Variants in KBTBD4 observed in about 807,000 individuals in gnomAD.
KBTBD4 encodes the protein kelch repeat and BTB domain-containing protein 4.
In KBTBD4, 30 loss-of-function variants were observed where a neutral mutation model predicts 43.9. The observed-to-expected ratio is 0.68, with a 90% CI of 0.51 to 0.93. KBTBD4 has a LOEUF of 0.93. Among genes scored for constraint, KBTBD4 ranks in the 40% least tolerant of loss-of-function variants. KBTBD4 has a pLI of 0.00. For synonymous variants in KBTBD4, 258 were observed against 256.9 expected, an observed-to-expected ratio of 1.00 and a Z score of -0.04; for missense variants, 575 against 668.8, an observed-to-expected ratio of 0.86 and a Z score of 1.55.
chr11:47,573,152 A>T lies in KBTBD4; in HGVS notation c.1383T>A (p.Asn461Lys), dbSNP rs1344744927. ...GCCGGGTGAAGCTGTCTAGCAAGGG[A>T]TTGTAGCACACCAGGGAGTCCCCTT... ...VAEGDSLVCY[N>K]PLLDSFTRLC... is the part of the protein sequence containing the mutation. The change falls in exon 4 of 4, where the codon AAT becomes AAA. Residue 461 changes from asparagine (N) to lysine (K), a missense_variant. Asn to Lys is a moderately conservative substitution (Grantham distance 94). Coordinates refer to ENST00000430070, the MANE Select transcript of KBTBD4 (RefSeq NM_018095.6). This position sits in a 1 kb window ranked among gnomAD's most constrained non-coding sequence, Gnocchi z 4.1. The T allele has an allele frequency of 6.2e-7, 1 of 1,614,164 alleles. No individual in the cohort carries two copies. The highest frequency in any genetic ancestry group is 8.5e-7 in the Non-Finnish European group (1 of 1,180,024).
intron 2 of KBTBD4, among the ~76,000 whole-genome samples, chr11:47,576,755 C>A (rs1213900924): frequency 6.6e-6 from 1 of 150,780 alleles, no homozygotes; most frequent in Non-Finnish European, 1.5e-5. Flanking sequence ...TGGCTCACTG[C>A]AACCTCTGCC....
chr11:47,578,367 G>A (rs1598800306), intron 1 of KBTBD4: 5 of 562,124 alleles, frequency 8.9e-6, no homozygotes, highest in Middle Eastern at 3.8e-4. Flanking sequence ...GCCTGTGATC[G>A]TAAAAGCCTT....
At chr11:47,574,700 A>C (rs552544472) in intron 3 of KBTBD4, among the ~76,000 whole-genome samples, 1 of 151,494 alleles carries the variant, frequency 6.6e-6, no homozygotes, top group East Asian at 2.0e-4. Flanking sequence ...CTAAAAATAC[A>C]ACAATTATCT....
Position 47,572,909 on chromosome 11 carries a change from TCTC to T in KBTBD4, c.*18_*20del, listed in dbSNP as rs757729488. 1.8e-5 allele frequency: 29 copies of T among 1,597,880 alleles called. No homozygotes were observed. The highest frequency in any genetic ancestry group is 1.7e-4 in the Middle Eastern group (1 of 5,902). On this transcript the variant is annotated 3_prime_UTR_variant, in exon 4 of 4. Transcript: ENST00000430070. The stretch of plus-strand genomic sequence containing the variant: ...TGGGGAGGGAAAAGGAGTGAGCAGT[TCTC>T]CTCCCCTCCCCACAGCCTTAGGCCA...
chr11:47,578,455 G>A, intron 1 of KBTBD4: 2 of 576,732 alleles, frequency 3.5e-6, no homozygotes, highest in Non-Finnish European at 3.0e-6. Flanking sequence ...CCTGGCCCCG[G>A]CCTAGTGGCC....
intron 2 of KBTBD4, among the ~76,000 whole-genome samples, chr11:47,577,034 C>A (rs1331688450): frequency 6.6e-6 from 1 of 152,128 alleles, no homozygotes; most frequent in Non-Finnish European, 1.5e-5. Flanking sequence ...TGTTTCCTAA[C>A]GTTGGCCCAT....
Position 47,573,013 on chromosome 11 carries a change from T to G in KBTBD4, c.1522A>C (p.Lys508Gln). The G allele has an allele frequency of 6.2e-7, 1 of 1,614,124 alleles. No individual in the cohort carries two copies. Among genetic ancestry groups the G allele is most frequent in the Non-Finnish European group, 8.5e-7 (1 of 1,180,016 alleles). ...ACGGCTGAAGTGGCAGGGTCAAGCT[T>G]GTAGGTGTTGGCATCCCCCTTTTTA... ...RYKKGDANTY[K>Q]LDPATSAVTV... The change falls in exon 4 of 4, where the codon AAG (lysine) becomes CAG (glutamine). Residue 508 changes from lysine (K) to glutamine (Q), a missense_variant. Coordinates refer to ENST00000430070, the MANE Select transcript of KBTBD4 (RefSeq NM_018095.6). This position sits in a 1 kb window ranked among gnomAD's most constrained non-coding sequence, Gnocchi z 4.1.
chr11:47,574,279 C>T (rs1488860465), intron 3 of KBTBD4, among the ~76,000 whole-genome samples: 1 of 152,134 alleles, frequency 6.6e-6, no homozygotes, highest in Non-Finnish European at 1.5e-5. Flanking sequence ...GGCAGATCAC[C>T]TAAGCTCAAG....
intron 3 of KBTBD4, among the ~76,000 whole-genome samples, chr11:47,574,176 A>G (rs1598788236): frequency 6.6e-6 from 1 of 152,146 alleles, no homozygotes; most frequent in Non-Finnish European, 1.5e-5. Flanking sequence ...TTATTCAAAA[A>G]TAAATAAATA....
Position 47,578,953 on chromosome 11 carries a change from C to T in KBTBD4, c.-2G>A. Reference sequence around the variant, plus strand: ...CTCACCTGCGTTCCCTCCTTTCATCCCGGAGCCCGGAACCTCCGCTTCCGG... The same window carrying T: ...CTCACCTGCGTTCCCTCCTTTCATCTCGGAGCCCGGAACCTCCGCTTCCGG... On this transcript the variant is annotated 5_prime_UTR_variant, in exon 1 of 4. Coordinates refer to ENST00000430070, the MANE Select transcript of KBTBD4 (RefSeq NM_018095.6). 1 of 1,551,762 alleles carries T rather than the reference C, an allele frequency of 6.4e-7. No homozygotes were observed. The highest frequency in any genetic ancestry group is 8.7e-7 in the Non-Finnish European group (1 of 1,147,014).
intron 1 of KBTBD4, chr11:47,578,452 C>T (rs1285145650): frequency 3.5e-6 from 2 of 570,982 alleles, no homozygotes; most frequent in African/African-American, 3.8e-5. Flanking sequence ...ACCCCTGGCC[C>T]CGGCCTAGTG....
Position 47,577,814 on chromosome 11 carries a change from G to T in KBTBD4, c.234C>A (p.Val78=). 6.2e-7 allele frequency: 1 copy of T among 1,614,082 alleles called. No homozygotes were observed. Among genetic ancestry groups the T allele is most frequent in the South Asian group, 1.1e-5 (1 of 91,078 alleles). ...GGAAGAAGCAGCTCTGAGCTGAGAG[G>T]ACCAGCCGATGGAGCTGAAACTCCC... The part of the protein sequence containing the change: ...EGREFQLHRL[V]LSAQSCFFRS... Residue 78 remains valine, a synonymous_variant, in exon 2 of 4, where the codon GTC becomes GTA. Coordinates refer to ENST00000430070, the MANE Select transcript of KBTBD4 (RefSeq NM_018095.6).
chr11:47,573,530 G>C lies in KBTBD4; in HGVS notation c.1005C>G (p.Leu335=). The change falls in exon 4 of 4, where the codon CTC becomes CTG. Residue 335 remains leucine, a synonymous_variant. Transcript: ENST00000430070. The surrounding 1 kb of genome is among the most constrained non-coding windows in gnomAD (Gnocchi z 4.1). ...CGGGCACAGACACCAGGGTGTGCTG[G>C]AGCCGGTCCCGAGGCAAAGGAGCAC... ...EWCAPLPRDR[L]QHTLVSVPGK... The C allele has an allele frequency of 1.2e-6, 2 of 1,614,196 alleles. No homozygotes were observed. The highest frequency in any genetic ancestry group is 1.7e-6 in the Non-Finnish European group (2 of 1,180,040).
In KBTBD4 at chr11:47,572,851, C is replaced by A; in HGVS notation, c.*79G>T. The A allele has an allele frequency of 6.8e-7, 1 of 1,475,942 alleles. No homozygotes were observed. The highest frequency in any genetic ancestry group is 9.2e-7 in the Non-Finnish European group (1 of 1,091,352). 91.4% of individuals were successfully genotyped at this position (1,475,942 alleles called of 1,614,324 possible). A position where few individuals can be genotyped will look rare whatever the true frequency, so the allele number is the denominator to read the frequency against. On this transcript the variant is annotated 3_prime_UTR_variant, in exon 4 of 4. Coordinates refer to ENST00000430070, the MANE Select transcript of KBTBD4 (RefSeq NM_018095.6). ...AGTATGTGCCAAAAAAAACATAACT[C>A]TGAATTGGGGCCCAGGGGACTTTGA...
At chr11:47,574,390 G>A (rs532632229) in intron 3 of KBTBD4, among the ~76,000 whole-genome samples, 6 of 152,174 alleles carry the variant, frequency 3.9e-5, no homozygotes, top group African/African-American at 1.2e-4. Flanking sequence ...CCAGCTACTC[G>A]GGAGGCTGAG....
chr11:47,575,139 A>T (rs2097256673), intron 3 of KBTBD4, among the ~76,000 whole-genome samples: 1 of 149,592 alleles, frequency 6.7e-6, no homozygotes. Context: ...GAAACTGGGA[A>T]GTGGAGGTTG....
Position 47,573,714 on chromosome 11 carries a change from T to C in KBTBD4, c.821A>G (p.His274Arg). Residue 274 changes from histidine (H) to arginine (R), a missense_variant, in exon 4 of 4, where the codon CAC becomes CGC. His to Arg is a conservative substitution (Grantham distance 29, BLOSUM62 0). Transcript: ENST00000430070. The surrounding 1 kb of genome is among the most constrained non-coding windows in gnomAD (Gnocchi z 4.1). ...SRTHSLAVSL[H>R]CAEDDSISVS... ...ACTGATGGAGTCATCTTCTGCACAG[T>C]GCAAGGACACAGCCAACGAGTGGGT... 1 of 1,604,220 alleles carries C rather than the reference T, an allele frequency of 6.2e-7. No homozygotes were observed. The highest frequency in any genetic ancestry group is 8.5e-7 in the Non-Finnish European group (1 of 1,177,758).
chr11:47,575,915 G>GGC (rs2097258476), intron 2 of KBTBD4, among the ~76,000 whole-genome samples: 1 of 145,680 alleles, frequency 6.9e-6, no homozygotes, highest in Non-Finnish European at 1.5e-5. Context: ...GAAGTGCAAT[G>GGC]GCGCAATCAC....
rs1372182176 is a variant in KBTBD4 at position 47,578,935 on chromosome 11, G to C, written c.17C>G (p.Ala6Gly). MKGGN[A>G]DSWQREKLAS... ...ACCTGCCTGTCTCGCTTTCTCACCT[G>C]CGTTCCCTCCTTTCATCCCGGAGCC... Residue 6 changes from alanine to glycine, a missense_variant and splice_region_variant, in exon 1 of 4, where the codon GCA (alanine) becomes GGA (glycine). Physicochemically the swap from Ala to Gly is moderately conservative, Grantham distance 60. Transcript: ENST00000430070. 3 of 1,551,636 alleles carry C rather than the reference G, an allele frequency of 1.9e-6. No individual in the cohort carries two copies. Among genetic ancestry groups the C allele is most frequent in the Non-Finnish European group, 2.6e-6 (3 of 1,147,036 alleles).
Sources: gnomAD v4.1 joint callset for allele counts (sites outside exome capture counted in the v4.1 genomes callset) on GRCh38, gnomAD v4.1.1 for gene constraint, Gnocchi (gnomAD v3.1) non-coding constraint, MANE v1.5 for transcripts, NCBI Gene and HGNC (gene_info 2026-07-23, HGNC 2026-07-21) for gene names.